Variants in OPCML observed in about 807,000 individuals in gnomAD.
OPCML encodes the protein opioid-binding protein/cell adhesion molecule.
OPCML carries 13 observed loss-of-function variants against 37.8 expected under a neutral mutation model. The ratio of observed to expected loss-of-function variants is 0.34; its 90% CI spans 0.22 to 0.55. The LOEUF is 0.55. OPCML is among the 20% of genes least tolerant of loss of function. The probability of loss-of-function intolerance (pLI) is 0.91; values close to 1 mark genes in which losing one functional copy is unlikely to be tolerated. For synonymous variants in OPCML, 176 were observed against 168.8 expected, an observed-to-expected ratio of 1.04 and a Z score of -0.33; for missense variants, 341 against 435.6, an observed-to-expected ratio of 0.78 and a Z score of 1.93.
intron 1 of OPCML, chr11:133,005,655 A>G (rs558454528): frequency 3.1e-4 from 303 of 983,192 alleles, no homozygotes; most frequent in Admixed American, 8.0e-4. Context: ...AGAAAAAAAA[A>G]CTGTTATGCA....
chr11:132,775,129 G>A (rs2136133327), intron 2 of OPCML, among the ~76,000 whole-genome samples: 1 of 152,308 alleles, frequency 6.6e-6, no homozygotes, highest in South Asian at 2.1e-4. Flanking sequence ...GCTAAGTGAA[G>A]ATAAATTGTT....
chr11:133,384,339 TG>T (rs1944999255), intron 1 of OPCML, among the ~76,000 whole-genome samples: 1 of 151,100 alleles, frequency 6.6e-6, no homozygotes, highest in African/African-American at 2.4e-5. Flanking sequence ...CACTCTGGCC[TG>T]GTGTCAACCT....
rs575232568 is a variant in OPCML, at chr11:133,025,183, G to T, written c.62-82173C>A. The stretch of plus-strand genomic sequence containing the variant: ...ACAACCCAATGGTAAGCATAAATAC[G>T]CAAATATGGGGTGACTTATTCTATA... On this transcript the variant is annotated intron_variant, in intron 1 of 7. Transcript: ENST00000524381. The T allele has an allele frequency of 9.1e-6, 5 of 547,808 alleles. No individual in the cohort carries two copies. In the East Asian group the frequency reaches 5.9e-4, roughly 65 times the overall value. 33.9% of individuals were successfully genotyped at this position (547,808 alleles called of 1,614,324 possible). A position where few individuals can be genotyped will look rare whatever the true frequency, so the allele number is the denominator to read the frequency against.
At chr11:132,850,237 A>G (rs1385441521) in intron 2 of OPCML, among the ~76,000 whole-genome samples, 1 of 152,118 alleles carries the variant, frequency 6.6e-6, no homozygotes, top group Non-Finnish European at 1.5e-5. Context: ...AGCGAGCCCT[A>G]CTTGCCCTCA....
chr11:132,980,892 C>G (rs931616259), intron 1 of OPCML, among the ~76,000 whole-genome samples: 43 of 152,336 alleles, frequency 2.8e-4, no homozygotes, highest in African/African-American at 1.0e-3. Flanking sequence ...CACTTAATGA[C>G]AGGGATTCAT....
chr11:133,078,394 C>T (rs1236801167), intron 1 of OPCML, among the ~76,000 whole-genome samples: 3 of 152,206 alleles, frequency 2.0e-5, no homozygotes, highest in African/African-American at 7.2e-5. Context: ...GACAGACACA[C>T]TGCATGTGTG....
chr11:132,477,362 C>T (rs2508987), intron 4 of OPCML, among the ~76,000 whole-genome samples: 81,777 of 152,086 alleles, frequency 0.54, 22,693 homozygotes, highest in East Asian at 0.85. Flanking sequence ...GTGGTACAGA[C>T]GTCTCCTTTC....
chr11:132,535,730 C>T (rs1480092411), intron 3 of OPCML, among the ~76,000 whole-genome samples: 1 of 152,142 alleles, frequency 6.6e-6, no homozygotes, highest in Non-Finnish European at 1.5e-5. Flanking sequence ...CAGCTCCAGA[C>T]TCTGGTCCTG....
intron 1 of OPCML, among the ~76,000 whole-genome samples, chr11:133,423,974 C>T (rs75998489): frequency 0.064 from 9,782 of 152,236 alleles, 890 homozygotes; most frequent in African/African-American, 0.2. Flanking sequence ...CAGATGCCAA[C>T]ACCATGCTTC....
At chr11:132,551,440 T>C (rs900849391) in intron 3 of OPCML, among the ~76,000 whole-genome samples, 1 of 152,202 alleles carries the variant, frequency 6.6e-6, no homozygotes, top group Non-Finnish European at 1.5e-5. Context: ...AATCCCTTTC[T>C]TGCCTGGGGA....
intron 1 of OPCML, among the ~76,000 whole-genome samples, chr11:133,383,160 G>A (rs372146010): frequency 2.0e-4 from 31 of 151,922 alleles, no homozygotes; most frequent in Middle Eastern, 3.4e-3. Context: ...CAGGTCTCAC[G>A]CCTCATCAAT....
At chr11:132,882,823 T>C (rs1943265836) in intron 2 of OPCML, among the ~76,000 whole-genome samples, 1 of 152,148 alleles carries the variant, frequency 6.6e-6, no homozygotes, top group African/African-American at 2.4e-5. Flanking sequence ...ATAAGAGGTT[T>C]CCAAGAGGAG....
intron 1 of OPCML, among the ~76,000 whole-genome samples, chr11:133,130,867 G>C (rs1213747809): frequency 6.6e-6 from 1 of 151,810 alleles, no homozygotes; most frequent in Non-Finnish European, 1.5e-5. Flanking sequence ...AATAGTGCTG[G>C]AATAATTCAA....
chr11:133,411,262 G>A (rs1420747514), intron 1 of OPCML, among the ~76,000 whole-genome samples: 2 of 152,164 alleles, frequency 1.3e-5, no homozygotes, highest in South Asian at 2.1e-4. Flanking sequence ...GGGGGTACAG[G>A]CTTAAACTTG....
rs1468824791 is a variant in OPCML at position 133,212,172 on chromosome 11, A to G, written c.62-269162T>C. Among the ~76,000 whole-genome samples, 1 of 152,178 alleles carries G rather than the reference A, an allele frequency of 6.6e-6. No homozygotes were observed. Among genetic ancestry groups the G allele is most frequent in the Non-Finnish European group, 1.5e-5 (1 of 68,036 alleles). ...CCACACCACCACCAATCACAACATC[A>G]TAATGACCAATCAATCAACCAAACC... On this transcript the variant is annotated intron_variant, in intron 1 of 7. Coordinates refer to ENST00000524381, the MANE Select transcript of OPCML (RefSeq NM_001012393.5). This position sits in a 1 kb window ranked among gnomAD's most constrained non-coding sequence, Gnocchi z 4.9.
intron 1 of OPCML, among the ~76,000 whole-genome samples, chr11:133,018,785 G>A (rs1160594733): frequency 1.3e-5 from 2 of 152,230 alleles, no homozygotes; most frequent in African/African-American, 4.8e-5. Flanking sequence ...TGTACCCCGA[G>A]GCACACGCTG....
intron 2 of OPCML, among the ~76,000 whole-genome samples, chr11:132,713,130 G>T (rs938335657): frequency 5.9e-5 from 9 of 152,134 alleles, no homozygotes; most frequent in Admixed American, 3.3e-4. Flanking sequence ...GAGGGAGCCA[G>T]TTATTATTTC....
intron 2 of OPCML, among the ~76,000 whole-genome samples, chr11:132,794,007 G>A (rs1938128593): frequency 6.6e-6 from 1 of 152,240 alleles, no homozygotes; most frequent in Non-Finnish European, 1.5e-5. Context: ...TCAGGCACCA[G>A]TTTCCACTCA....
chr11:132,663,208 C>T (rs1407934265), intron 2 of OPCML, among the ~76,000 whole-genome samples: 2 of 152,188 alleles, frequency 1.3e-5, no homozygotes, highest in African/African-American at 4.8e-5. Flanking sequence ...TAACCATATT[C>T]AGTATCACCA....
Sources: gnomAD v4.1 joint callset for allele counts (sites outside exome capture counted in the v4.1 genomes callset) on GRCh38, gnomAD v4.1.1 for gene constraint, Gnocchi (gnomAD v3.1) non-coding constraint, MANE v1.5 for transcripts, NCBI Gene and HGNC (gene_info 2026-07-23, HGNC 2026-07-21) for gene names.